CRBN: variants seen among roughly 807,000 people sequenced by gnomAD.
CRBN encodes cereblon, also known as protein cereblon.
A neutral mutation model predicts 62.2 loss-of-function variants in CRBN; 53 were observed. That is an observed-to-expected ratio of 0.85 (90% CI 0.68 to 1.07). The LOEUF is 1.07. Among genes scored for constraint, CRBN ranks in the 50% least tolerant of loss-of-function variants. The pLI, the probability that CRBN is intolerant of heterozygous loss-of-function variation, is 0.00. For synonymous variants in CRBN, 208 were observed against 176.1 expected (o/e 1.18, Z -1.43); for missense variants, 616 against 531.1 (o/e 1.16, Z -1.57).
intron 1 of CRBN, among the ~76,000 whole-genome samples, chr3:3,178,682 TTTAG>T (rs148519686): frequency 0.021 from 3,167 of 152,266 alleles, 47 homozygotes; most frequent in Non-Finnish European, 0.027. Flanking sequence ...TTGATTTACG[TTTAG>T]TTATATTCTC....
At chr3:3,165,841 C>T (rs1707307182) in intron 5 of CRBN, among the ~76,000 whole-genome samples, 2 of 152,122 alleles carry the variant, frequency 1.3e-5, no homozygotes, top group South Asian at 4.1e-4. Flanking sequence ...ACATAGGGAA[C>T]AACTTGATGC....
At position 3,174,264 on chromosome 3, in the gene CRBN, A is replaced by G; in HGVS notation, c.175-3T>C. 2 of 1,583,354 alleles carry G rather than the reference A, an allele frequency of 1.3e-6. No individual in the cohort carries two copies. Among genetic ancestry groups the G allele is most frequent in the South Asian group, 2.2e-5 (2 of 90,486 alleles). On this transcript the variant is annotated splice_region_variant and splice_polypyrimidine_tract_variant and intron_variant, in intron 2 of 10. Coordinates refer to ENST00000231948, the MANE Select transcript of CRBN (RefSeq NM_016302.4). ...TCTTCCATATCAGCACCTAGGTACT[A>G]TATAAAAACATATATAGGTATAGTG...
intron 4 of CRBN, among the ~76,000 whole-genome samples, chr3:3,169,914 T>A (rs556442874): frequency 6.6e-6 from 1 of 152,044 alleles, no homozygotes; most frequent in Non-Finnish European, 1.5e-5. Context: ...AATTTCTATG[T>A]GTTCAGAAGA....
chr3:3,153,584 A>G, intron 8 of CRBN, 96 bp from the exon 9 acceptor site: 1 of 785,662 alleles, frequency 1.3e-6, no homozygotes. Context: ...TTATAAAGAT[A>G]TTGCTCTCTC....
intron 1 of CRBN, among the ~76,000 whole-genome samples, chr3:3,178,139 T>G (rs1259320099): frequency 1.3e-5 from 2 of 152,174 alleles, no homozygotes; most frequent in African/African-American, 4.8e-5. Context: ...CCCTCTTCTA[T>G]TCACCATTCT....
Position 3,156,465 on chromosome 3 carries a change from C to T in CRBN, c.688-184G>A, listed in dbSNP as rs1706898462. The T allele has an allele frequency of 5.0e-6, 3 of 603,060 alleles. No individual in the cohort carries two copies. The South Asian group carries it at 6.2e-5, about 12-fold the overall frequency. The allele number at this position is 603,060 out of a possible 1,614,324, so 37.4% of individuals were successfully genotyped here. On this transcript the variant is annotated intron_variant, in intron 5 of 10. Coordinates refer to ENST00000231948, the MANE Select transcript of CRBN (RefSeq NM_016302.4). ...AGTGTGAAATCATGCTTCCTATATC[C>T]TTCAAATATATATTGTAACTAGAAT...
chr3:3,173,055 T>A, intron 3 of CRBN, 130 bp from the exon 4 acceptor site: 1 of 715,236 alleles, frequency 1.4e-6, no homozygotes, highest in Non-Finnish European at 2.4e-6. Context: ...AGGATAATTT[T>A]ATTTATTTAT....
chr3:3,166,841 T>A (rs563021487), intron 5 of CRBN, among the ~76,000 whole-genome samples: 1 of 152,118 alleles, frequency 6.6e-6, no homozygotes, highest in East Asian at 1.9e-4. Context: ...ATTAGGATTC[T>A]GTATTTACAT....
chr3:3,170,757 A>C (rs1266474732), intron 4 of CRBN, among the ~76,000 whole-genome samples: 1 of 152,162 alleles, frequency 6.6e-6, no homozygotes, highest in Non-Finnish European at 1.5e-5. Context: ...AGAATACTAG[A>C]GAGAATGTGC....
intron 10 of CRBN, 75 bp downstream of exon 10, chr3:3,152,381 G>C: frequency 6.9e-7 from 1 of 1,459,438 alleles, no homozygotes; most frequent in East Asian, 2.3e-5. Context: ...TGGCAACTCT[G>C]CTTAGGACTC....
At chr3:3,171,032 T>C (rs1210747500) in intron 4 of CRBN, among the ~76,000 whole-genome samples, 2 of 152,176 alleles carry the variant, frequency 1.3e-5, no homozygotes, top group African/African-American at 4.8e-5. Flanking sequence ...CTCAAACTCG[T>C]GAGCTCAGGT....
At chr3:3,155,086 T>C (rs573309522) in intron 6 of CRBN, 3 of 518,242 alleles carry the variant, frequency 5.8e-6, no homozygotes, top group African/African-American at 5.7e-5. Flanking sequence ...CCCTTGCAGA[T>C]TGTTCTGTTC....
At chr3:3,165,954 T>C (rs535908707) in intron 5 of CRBN, among the ~76,000 whole-genome samples, 1 of 152,322 alleles carries the variant, frequency 6.6e-6, no homozygotes, top group African/African-American at 2.4e-5. Flanking sequence ...GGCCACATAC[T>C]GACAGTGATC....
At chr3:3,153,804 CAA>C (rs1485233584) in intron 8 of CRBN, 154 bp downstream of exon 8, 1 of 662,968 alleles carries the variant, frequency 1.5e-6, no homozygotes, top group East Asian at 2.7e-5. Flanking sequence ...TTGACAAACA[CAA>C]AACAATGAGT....
chr3:3,167,355 T>G lies in CRBN; in HGVS notation c.687+279A>C, dbSNP rs1002717812. On this transcript the variant is annotated intron_variant, in intron 5 of 10. Coordinates refer to ENST00000231948, the MANE Select transcript of CRBN (RefSeq NM_016302.4). ...AACATCTAATTTGATCATAGTTTAA[T>G]AAGCATTTCCCATGGAATTAAAAAT... is the stretch of plus-strand genomic sequence containing the variant. The G allele has an allele frequency of 8.6e-5, 27 of 314,192 alleles. 1 individual carries two copies. In the Admixed American group the frequency reaches 1.1e-3, roughly 13 times the overall value. 19.5% of individuals were successfully genotyped at this position (314,192 alleles called of 1,614,324 possible). A position where few individuals can be genotyped will look rare whatever the true frequency, so the allele number is the denominator to read the frequency against.
intron 5 of CRBN, 141 bp from the exon 6 acceptor site, chr3:3,156,422 T>C: frequency 1.5e-6 from 1 of 686,118 alleles, no homozygotes; most frequent in Non-Finnish European, 2.6e-6. Flanking sequence ...GATAATCCCA[T>C]GACGTGACTA....
chr3:3,166,800 T>C (rs931820686), intron 5 of CRBN, among the ~76,000 whole-genome samples: 10 of 152,024 alleles, frequency 6.6e-5, no homozygotes, highest in South Asian at 4.1e-4. Context: ...ATAAGTCCAC[T>C]TCATTAATTA....
At chr3:3,168,829 A>G (rs1707463353) in intron 4 of CRBN, among the ~76,000 whole-genome samples, 2 of 152,206 alleles carry the variant, frequency 1.3e-5, no homozygotes, top group South Asian at 4.1e-4. Context: ...CTGCAAACTC[A>G]TTAGAAATAC....
chr3:3,164,358 A>G (rs959137078), intron 5 of CRBN, among the ~76,000 whole-genome samples: 1 of 152,216 alleles, frequency 6.6e-6, no homozygotes, highest in Admixed American at 6.5e-5. Context: ...GTGAAAGCCA[A>G]AAAGTCTTAT....
Sources: allele counts gnomAD v4.1 joint callset (sites outside exome capture counted in the v4.1 genomes callset), GRCh38; gene constraint gnomAD v4.1.1; transcripts MANE v1.5; gene names NCBI Gene and HGNC (gene_info 2026-07-23, HGNC 2026-07-21).